The following ATP10B variants were observed in gnomAD, a reference collection of about 807,000 sequenced individuals.
ATP10B encodes phospholipid-transporting ATPase VB.
ATP10B carries 122 observed loss-of-function variants against 141.2 expected under a neutral mutation model. The observed-to-expected ratio is 0.86, with a 90% CI of 0.75 to 1.00. The LOEUF is 1.00. Among genes scored for constraint, ATP10B ranks in the 50% least tolerant of loss-of-function variants. The probability of loss-of-function intolerance (pLI) is 0.00; values close to 1 mark genes in which losing one functional copy is unlikely to be tolerated. For synonymous variants in ATP10B, 685 were observed against 692.0 expected, an observed-to-expected ratio of 0.99 and a Z score of 0.16; for missense variants, 1,876 against 1,825.3, an observed-to-expected ratio of 1.03 and a Z score of -0.51.
chr5:160,889,499 A>G, the ATP10B span, among the ~76,000 whole-genome samples: 2 of 152,058 alleles, frequency 1.3e-5, no homozygotes, highest in Non-Finnish European at 2.9e-5. Flanking sequence ...CTCCCAACTA[A>G]TTTGTTCCTC....
chr5:160,653,373 C>T (rs1264394677), intron 7 of ATP10B, among the ~76,000 whole-genome samples: 2,515 of 62,088 alleles, frequency 0.041, 200 homozygotes, highest in Middle Eastern at 0.13. Flanking sequence ...TACGTACATA[C>T]ATACATAGGT....
rs559721835 is a variant in ATP10B, at chr5:160,598,609, C to T, written c.3564+161G>A. The stretch of plus-strand genomic sequence containing the variant: ...CCTCAATAGCAAGTAAGAAACGGGT[C>T]AGGAAAGGAGAGAGGAGTTACTCAA... On this transcript the variant is annotated intron_variant, in intron 22 of 25. Transcript: ENST00000327245. Among the ~76,000 whole-genome samples, 4 of 152,122 alleles carry T rather than the reference C, an allele frequency of 2.6e-5. No individual in the cohort carries two copies. The East Asian group carries it at 7.7e-4, about 29-fold the overall frequency.
intron 2 of ATP10B, among the ~76,000 whole-genome samples, chr5:160,779,190 C>T (rs1770554662): frequency 6.6e-6 from 1 of 152,236 alleles, no homozygotes; most frequent in South Asian, 2.1e-4. Context: ...CTTTTCAAAA[C>T]AATTCTCTAG....
intron 25 of ATP10B, among the ~76,000 whole-genome samples, chr5:160,566,229 A>G (rs60629072): frequency 0.046 from 6,983 of 152,240 alleles, 535 homozygotes; most frequent in African/African-American, 0.16. Flanking sequence ...TGAGAGATTT[A>G]ATGATTTGTC....
intron 1 of ATP10B, among the ~76,000 whole-genome samples, chr5:160,825,670 G>T (rs2127968976): frequency 6.6e-6 from 1 of 152,258 alleles, no homozygotes; most frequent in East Asian, 1.9e-4. Flanking sequence ...GTAGTCAGTA[G>T]CATCCTTTAA....
At chr5:160,853,259 T>A (rs183238383), upstream of ATP10B, among the ~76,000 whole-genome samples, 80 of 152,276 alleles carry the variant, frequency 5.3e-4, no homozygotes, top group African/African-American at 1.8e-3. Context: ...AATGCTTAAG[T>A]CCCTGTTCCT....
At chr5:160,676,620 T>C (rs545738396) in intron 6 of ATP10B, among the ~76,000 whole-genome samples, 1 of 152,314 alleles carries the variant, frequency 6.6e-6, no homozygotes, top group African/African-American at 2.4e-5. Context: ...GTTTAGTAAA[T>C]ATCAATTGAT....
intron 1 of ATP10B, among the ~76,000 whole-genome samples, chr5:160,801,048 C>A (rs1199250223): frequency 6.6e-6 from 1 of 152,144 alleles, no homozygotes; most frequent in East Asian, 1.9e-4. Context: ...TTCAGGAGCT[C>A]TTTGTGGAGT....
intron 23 of ATP10B, 41 bp downstream of exon 23, chr5:160,591,018 C>A (rs554018271): frequency 0.054 from 83,773 of 1,542,830 alleles, 3,360 homozygotes; most frequent in East Asian, 0.23. Context: ...ACCAGTTCTT[C>A]TCTGCAATTT....
intron 22 of ATP10B, among the ~76,000 whole-genome samples, chr5:160,593,342 C>T (rs560873104): frequency 6.6e-6 from 1 of 152,340 alleles, no homozygotes; most frequent in Admixed American, 6.5e-5. Context: ...CTCCAACAGA[C>T]CTGCAGCTGA....
intron 1 of ATP10B, among the ~76,000 whole-genome samples, chr5:160,837,764 C>T (rs1339874652): frequency 6.6e-6 from 1 of 152,122 alleles, no homozygotes; most frequent in Admixed American, 6.6e-5. Context: ...TCTGCTTTAG[C>T]CCTGGAGACC....
chr5:160,785,599 C>T lies in ATP10B; in HGVS notation c.-371G>A. 1 of 1,051,414 alleles carries T rather than the reference C, an allele frequency of 9.5e-7. No individual in the cohort carries two copies. The highest frequency in any genetic ancestry group is 1.3e-6 in the Non-Finnish European group (1 of 772,090). The allele number at this position is 1,051,414 out of a possible 1,614,324, so 65.1% of individuals were successfully genotyped here. A position where few individuals can be genotyped will look rare whatever the true frequency, so the allele number is the denominator to read the frequency against. On this transcript the variant is annotated 5_prime_UTR_variant, in exon 2 of 26. Transcript: ENST00000327245. ...CAAGTCTTGTTCCTCTTTCTCCTTC[C>T]CTCCTTTTTGAAGTCTCAGTGTTTA...
intron 24 of ATP10B, among the ~76,000 whole-genome samples, chr5:160,587,580 T>A (rs1285480638): frequency 6.6e-6 from 1 of 152,252 alleles, no homozygotes; most frequent in Non-Finnish European, 1.5e-5. Flanking sequence ...GTTTTTCCAT[T>A]TGTTTGTGTC....
chr5:160,724,253 T>G lies in ATP10B; in HGVS notation c.-330-7219A>C, dbSNP rs981281785. Reference sequence around the variant, plus strand: ...GTTTACCTGAGAAGCTATAATTCCTTTTTTTTTTTTTTTTTTTTTTTAGAG... The same window carrying G: ...GTTTACCTGAGAAGCTATAATTCCTGTTTTTTTTTTTTTTTTTTTTTAGAG... On this transcript the variant is annotated intron_variant, in intron 2 of 25. Coordinates refer to ENST00000327245, the MANE Select transcript of ATP10B (RefSeq NM_025153.3). 6.1e-4 allele frequency among the ~76,000 whole-genome samples: 51 copies of G among 83,916 alleles called. 1 individual carries two copies. Among genetic ancestry groups the G allele is most frequent in the Admixed American group, 8.3e-4 (7 of 8,390 alleles). 55.1% of individuals were successfully genotyped at this position (83,916 alleles called of 152,430 possible).
chr5:160,565,765 G>C lies in ATP10B; in HGVS notation c.4074C>G (p.Val1358=). The change falls in exon 26 of 26, where the codon GTC becomes GTG. Residue 1358 remains valine (V), a synonymous_variant. Transcript: ENST00000327245. ...GGTGAGTTGGTCGAGCCACTTCGGGGACAGGGGCAGGCCTCTGTCTGCTTC... is the reference window on the plus strand; with the variant it reads ...GGTGAGTTGGTCGAGCCACTTCGGGCACAGGGGCAGGCCTCTGTCTGCTTC... ...SWRSRQRPAP[V]PEVARPTHHP... is the part of the protein sequence containing the mutation. 1 of 1,614,106 alleles carries C rather than the reference G, an allele frequency of 6.2e-7. No individual in the cohort carries two copies. The highest frequency in any genetic ancestry group is 1.1e-5 in the South Asian group (1 of 91,082).
At chr5:160,634,777 G>C (rs1301524247) in intron 11 of ATP10B, among the ~76,000 whole-genome samples, 171 bp from the exon 12 acceptor site, 1 of 152,174 alleles carries the variant, frequency 6.6e-6, no homozygotes, top group Admixed American at 6.5e-5. Flanking sequence ...ATTCTTAGGG[G>C]AATCTGAAAA....
intron 2 of ATP10B, among the ~76,000 whole-genome samples, chr5:160,768,573 G>T (rs552330785): frequency 1.3e-5 from 2 of 152,252 alleles, no homozygotes; most frequent in East Asian, 3.9e-4. Context: ...TATATCATTT[G>T]CCACTATGTT....
At position 160,589,576 on chromosome 5, in the gene ATP10B, G is replaced by T. The variant is rs558382865; in HGVS notation, c.3750+16C>A. On this transcript the variant is annotated intron_variant, in intron 24 of 25. Coordinates refer to ENST00000327245, the MANE Select transcript of ATP10B (RefSeq NM_025153.3). ...GGAGCACAGTTTTGAAGCCAAAGGG[G>T]CTCTGGGACACTTACCCATGTCTTC... 3.1e-5 allele frequency: 50 copies of T among 1,596,594 alleles called. 1 individual carries two copies. The highest frequency in any genetic ancestry group is 4.2e-5 in the Non-Finnish European group (49 of 1,164,786).
chr5:160,644,342 C>A (rs1760114137), intron 8 of ATP10B, 98 bp from the exon 9 acceptor site: 1 of 781,602 alleles, frequency 1.3e-6, no homozygotes, highest in Non-Finnish European at 2.3e-6. Flanking sequence ...TGAACATGAT[C>A]CCTCTCCTCC....
Sources: allele counts gnomAD v4.1 joint callset (sites outside exome capture counted in the v4.1 genomes callset), GRCh38; gene constraint gnomAD v4.1.1; transcripts MANE v1.5; gene names NCBI Gene and HGNC (gene_info 2026-07-23, HGNC 2026-07-21).